CADM2: variants seen among roughly 807,000 people sequenced by gnomAD.
CADM2 encodes the protein immunoglobulin superfamily member 4D.
A neutral mutation model predicts 49.8 loss-of-function variants in CADM2; 12 were observed. The ratio of observed to expected loss-of-function variants is 0.24; its 90% CI spans 0.15 to 0.39. The LOEUF is 0.39. Ranked by LOEUF, CADM2 falls within the 10% of genes least tolerant of loss-of-function variation. The probability of loss-of-function intolerance (pLI) is 1.00; values close to 1 mark genes in which losing one functional copy is unlikely to be tolerated. For missense variants in CADM2, 378 were observed against 492.3 expected (o/e 0.77, Z 2.20); for synonymous variants, 214 against 175.4 (o/e 1.22, Z -1.74).
At chr3:85,009,073 A>G (rs2033869181) in intron 1 of CADM2, among the ~76,000 whole-genome samples, 1 of 152,200 alleles carries the variant, frequency 6.6e-6, no homozygotes, top group African/African-American at 2.4e-5. Flanking sequence ...CTGCGCAGCC[A>G]GATGTCAGGA....
At chr3:85,137,686 G>A (rs1183287259) in intron 1 of CADM2, among the ~76,000 whole-genome samples, 1 of 151,996 alleles carries the variant, frequency 6.6e-6, no homozygotes, top group African/African-American at 2.4e-5. Context: ...AGGAAGCCGT[G>A]TTTAAATGCA....
chr3:85,742,065 T>G (rs182499822), intron 2 of CADM2, among the ~76,000 whole-genome samples: 4 of 152,282 alleles, frequency 2.6e-5, no homozygotes, highest in African/African-American at 9.6e-5. Context: ...ATAAAGGACG[T>G]TTTCCAGCAG....
At chr3:85,307,381 T>A (rs907874188) in intron 1 of CADM2, among the ~76,000 whole-genome samples, 1 of 151,742 alleles carries the variant, frequency 6.6e-6, no homozygotes, top group Non-Finnish European at 1.5e-5. Context: ...GAGCTATTCA[T>A]ACATTCACTA....
chr3:85,910,891 G>GA (rs1490008088), intron 5 of CADM2, among the ~76,000 whole-genome samples: 1 of 151,800 alleles, frequency 6.6e-6, no homozygotes, highest in Admixed American at 6.6e-5. Flanking sequence ...TCATACTTCT[G>GA]AAATAAGTGA....
chr3:85,259,711 T>A (rs2042970641), intron 1 of CADM2, among the ~76,000 whole-genome samples: 1 of 152,122 alleles, frequency 6.6e-6, no homozygotes, highest in African/African-American at 2.4e-5. Context: ...AAAGGAGCAC[T>A]CTGGCCCCAA....
intron 1 of CADM2, among the ~76,000 whole-genome samples, chr3:85,449,885 C>T (rs993137): frequency 0.49 from 74,466 of 151,828 alleles, 21,952 homozygotes; most frequent in East Asian, 0.83. Context: ...TTTTTTTAAC[C>T]TAGCCCAATG....
At chr3:86,012,444 G>A (rs1027188820) in intron 8 of CADM2, 10 of 467,202 alleles carry the variant, frequency 2.1e-5, no homozygotes, top group South Asian at 3.9e-5. Flanking sequence ...CCCCTCGCCC[G>A]CGCGCCGGCC....
chr3:85,578,000 C>CTTCT (rs1348390331), intron 1 of CADM2, among the ~76,000 whole-genome samples: 1 of 149,980 alleles, frequency 6.7e-6, no homozygotes, highest in Non-Finnish European at 1.5e-5. Context: ...TCCTTCCTTC[C>CTTCT]TTCCTTCCTT....
At chr3:85,512,792 T>A (rs921397788) in intron 1 of CADM2, among the ~76,000 whole-genome samples, 1 of 151,334 alleles carries the variant, frequency 6.6e-6, no homozygotes, top group Non-Finnish European at 1.5e-5. Context: ...TGAGGACTAT[T>A]AATAAATATT....
At chr3:85,897,978 G>T (rs1010813820) in intron 5 of CADM2, among the ~76,000 whole-genome samples, 3 of 151,974 alleles carry the variant, frequency 2.0e-5, no homozygotes, top group Non-Finnish European at 4.4e-5. Flanking sequence ...TATACTTACT[G>T]CTTTGAAAGT....
At chr3:85,084,616 A>G (rs2037301713) in intron 1 of CADM2, among the ~76,000 whole-genome samples, 1 of 152,188 alleles carries the variant, frequency 6.6e-6, no homozygotes, top group Non-Finnish European at 1.5e-5. Flanking sequence ...ACATGGTGAA[A>G]TGATAATATT....
chr3:85,765,153 G>A (rs1379062059), intron 2 of CADM2, among the ~76,000 whole-genome samples: 3 of 152,000 alleles, frequency 2.0e-5, no homozygotes, highest in African/African-American at 7.2e-5. Flanking sequence ...GCAAAGAAAC[G>A]CTTCAGTGAA....
At chr3:85,147,688 C>T (rs1280966038) in intron 1 of CADM2, among the ~76,000 whole-genome samples, 1 of 101,980 alleles carries the variant, frequency 9.8e-6, no homozygotes, top group African/African-American at 3.7e-5. Context: ...TTTAGTATTG[C>T]ACAATAAAGA....
intron 1 of CADM2, among the ~76,000 whole-genome samples, chr3:85,560,050 CT>C (rs1485822533): frequency 1.3e-5 from 2 of 152,120 alleles, no homozygotes; most frequent in Admixed American, 6.5e-5. Flanking sequence ...TAATTCGCCC[CT>C]CTTCTAGTCC....
At chr3:85,015,063 C>T (rs976300055) in intron 1 of CADM2, among the ~76,000 whole-genome samples, 3 of 151,972 alleles carry the variant, frequency 2.0e-5, no homozygotes, top group Non-Finnish European at 4.4e-5. Flanking sequence ...TAGGATAATA[C>T]CATTTTCTAT....
chr3:85,347,317 A>G (rs1170491321), intron 1 of CADM2, among the ~76,000 whole-genome samples: 1 of 149,318 alleles, frequency 6.7e-6, no homozygotes, highest in South Asian at 2.1e-4. Context: ...TCTTTGTTTA[A>G]ATGGCATTGA....
intron 1 of CADM2, among the ~76,000 whole-genome samples, chr3:85,678,099 G>A (rs71316810): frequency 0.053 from 8,032 of 152,282 alleles, 294 homozygotes; most frequent in Middle Eastern, 0.1. Flanking sequence ...GCTGTACTAC[G>A]TGGGATTGAT....
chr3:85,423,262 G>A (rs1326028940), intron 1 of CADM2, among the ~76,000 whole-genome samples: 2 of 152,026 alleles, frequency 1.3e-5, no homozygotes, highest in Non-Finnish European at 2.9e-5. Context: ...CCTGGGGCTT[G>A]GGGTTTATAT....
chr3:85,848,757 CTG>C (rs1371884566), intron 3 of CADM2, among the ~76,000 whole-genome samples: 1 of 152,120 alleles, frequency 6.6e-6, no homozygotes, highest in Non-Finnish European at 1.5e-5. Flanking sequence ...AACAGAATAA[CTG>C]GAATAAATTA....
Sources: allele counts gnomAD v4.1 joint callset (sites outside exome capture counted in the v4.1 genomes callset), GRCh38; gene constraint gnomAD v4.1.1; transcripts MANE v1.5; gene names NCBI Gene and HGNC (gene_info 2026-07-23, HGNC 2026-07-21).